The following PLD3 variants were observed in gnomAD, a reference collection of about 807,000 sequenced individuals.
The protein encoded by PLD3 is 5'-3' exonuclease PLD3.
In PLD3, 31 loss-of-function variants were observed where a neutral mutation model predicts 58.4. The observed-to-expected ratio is 0.53, with a 90% CI of 0.40 to 0.72. The LOEUF is 0.72. Among genes scored for constraint, PLD3 ranks in the 30% least tolerant of loss-of-function variants. The pLI, the probability that PLD3 is intolerant of heterozygous loss-of-function variation, is 0.00. For synonymous variants in PLD3, 264 were observed against 273.4 expected (o/e 0.97, Z 0.34); for missense variants, 595 against 659.8 (o/e 0.90, Z 1.08).
intron 1 of PLD3, among the ~76,000 whole-genome samples, chr19:40,364,769 G>T (rs539588672): frequency 1.3e-5 from 2 of 150,594 alleles, no homozygotes; most frequent in Admixed American, 6.6e-5. Flanking sequence ...GCACTCCAGC[G>T]TGGGAGAGAC....
chr19:40,374,553 G>T lies in PLD3; in HGVS notation c.952G>T (p.Ala318Ser), dbSNP rs1196757207. 6.2e-7 allele frequency: 1 copy of T among 1,614,168 alleles called. No homozygotes were observed. The highest frequency in any genetic ancestry group is 1.7e-5 in the Admixed American group (1 of 60,024). The change falls in exon 10 of 13, where the codon GCC (alanine) becomes TCC (serine). Residue 318 changes from alanine to serine, a missense_variant. Coordinates refer to ENST00000409735, the MANE Select transcript of PLD3 (RefSeq NM_012268.4). ...LKALLNVVDN[A>S]RSFIYVAVMN... Reference sequence around the variant, plus strand: ...GGCTCTACTCAACGTGGTGGACAATGCCCGGAGTTTCATCTACGTCGCTGT... The same window carrying T: ...GGCTCTACTCAACGTGGTGGACAATTCCCGGAGTTTCATCTACGTCGCTGT...
chr19:40,348,769 G>C lies in PLD3; in HGVS notation c.-279+1G>C. 5.3e-6 allele frequency: 2 copies of C among 378,158 alleles called. No homozygotes were observed. Among genetic ancestry groups the C allele is most frequent in the Non-Finnish European group, 9.5e-6 (2 of 211,400 alleles). 23.4% of individuals were successfully genotyped at this position (378,158 alleles called of 1,614,324 possible). On this transcript the variant is annotated splice_donor_variant, in intron 1 of 12. Coordinates refer to ENST00000409735, the MANE Select transcript of PLD3 (RefSeq NM_012268.4). LOFTEE classifies it low-confidence loss of function (5UTR_SPLICE). ...TCGGAGTGGGAGACGTGGAGTGCAG[G>C]TACTGTGCGATCTGGGGGCGCGGCG...
intron 1 of PLD3, among the ~76,000 whole-genome samples, chr19:40,362,653 G>T (rs551779548): frequency 6.6e-6 from 1 of 152,216 alleles, no homozygotes; most frequent in Admixed American, 6.5e-5. Context: ...GCCCAGGCTG[G>T]TCTCAAACTC....
intron 8 of PLD3, 111 bp downstream of exon 8, chr19:40,370,348 G>A (rs982389389): frequency 2.4e-6 from 3 of 1,238,640 alleles, no homozygotes; most frequent in Non-Finnish European, 3.4e-6. Flanking sequence ...CCCATTCTCT[G>A]TAATGGCTTC....
rs991910942 is a variant in PLD3 at position 40,357,283 on chromosome 19, G to T, written c.-278-8435G>T. The T allele has an allele frequency of 2.6e-5, 4 of 152,286 alleles. No homozygotes were observed. In the East Asian group the frequency reaches 7.7e-4, roughly 29 times the overall value. The allele number at this position is 152,286 out of a possible 1,614,324, so 9.4% of individuals were successfully genotyped here. ...GTTATTTTTAAAATTAGAGACAGGGGTCTCGCTCTGTTGCCCAGGCTAGTC... is the reference window on the plus strand; with the variant it reads ...GTTATTTTTAAAATTAGAGACAGGGTTCTCGCTCTGTTGCCCAGGCTAGTC... On this transcript the variant is annotated intron_variant, in intron 1 of 12. Transcript: ENST00000409735.
chr19:40,355,313 T>G (rs1322830900), intron 1 of PLD3, among the ~76,000 whole-genome samples: 1 of 151,566 alleles, frequency 6.6e-6, no homozygotes, highest in African/African-American at 2.4e-5. Flanking sequence ...CTTTTTTTTT[T>G]GTTTTTTGTT....
Position 40,366,671 on chromosome 19 carries a change from A to C in PLD3, c.89A>C (p.Lys30Thr). 6 of 1,604,456 alleles carry C rather than the reference A, an allele frequency of 3.7e-6. No individual in the cohort carries two copies. The highest frequency in any genetic ancestry group is 5.1e-6 in the Non-Finnish European group (6 of 1,173,932). ...CCCATGAATGAGATTGAGGCGTGGAAGGCTGCGGAAAAGGTAGGAGCCCTC... is the reference window on the plus strand; with the variant it reads ...CCCATGAATGAGATTGAGGCGTGGACGGCTGCGGAAAAGGTAGGAGCCCTC... ...ELPMNEIEAW[K>T]AAEKKARWVL... is the part of the protein sequence containing the mutation. The change falls in exon 4 of 13, where the codon AAG (lysine) becomes ACG (threonine). Residue 30 changes from lysine to threonine, a missense_variant. By Grantham distance (78) the Lys-to-Thr change is moderately conservative. Coordinates refer to ENST00000409735, the MANE Select transcript of PLD3 (RefSeq NM_012268.4).
Position 40,376,664 on chromosome 19 carries a change from A to ATC in PLD3, c.1075_1076insTC (p.Lys359IlefsTer38). 1 of 1,607,062 alleles carries ATC rather than the reference A, an allele frequency of 6.2e-7. No homozygotes were observed. Among genetic ancestry groups the ATC allele is most frequent in the East Asian group, 2.2e-5 (1 of 44,874 alleles). The stretch of plus-strand genomic sequence containing the variant: ...GCGGGCCACCTACGAGCGTGGCGTC[A>ATC]AGGTGCGCCTGCTCATCAGCTGCTG... On this transcript the variant is annotated frameshift_variant, in exon 11 of 13. Coordinates refer to ENST00000409735, the MANE Select transcript of PLD3 (RefSeq NM_012268.4). LOFTEE classifies it high-confidence loss of function.
At chr19:40,353,119 G>A (rs1192413342) in intron 1 of PLD3, among the ~76,000 whole-genome samples, 3 of 152,106 alleles carry the variant, frequency 2.0e-5, no homozygotes, top group South Asian at 2.1e-4. Flanking sequence ...GTTCAACCAT[G>A]TACTGCCCTG....
chr19:40,377,712 C>G (rs1431199968), intron 11 of PLD3, 74 bp from the exon 12 acceptor site: 1 of 1,066,512 alleles, frequency 9.4e-7, no homozygotes, highest in Non-Finnish European at 1.4e-6. Context: ...GCTCCACACT[C>G]TGCTCCCTGA....
rs1333353572 is a variant in PLD3, at chr19:40,371,817, C to A, written c.823C>A (p.Gln275Lys). 6.2e-7 allele frequency: 1 copy of A among 1,614,036 alleles called. No individual in the cohort carries two copies. The highest frequency in any genetic ancestry group is 8.5e-7 in the Non-Finnish European group (1 of 1,180,048). ...CCGGTTCTATGACACCCGCTACAAC[C>A]AAGAGACACCAATGGAGATCTGCCT... ...WPRFYDTRYN[Q>K]ETPMEICLNG... is the part of the protein sequence containing the mutation. Residue 275 changes from glutamine (Q) to lysine (K), a missense_variant, in exon 9 of 13, where the codon CAA becomes AAA. Coordinates refer to ENST00000409735, the MANE Select transcript of PLD3 (RefSeq NM_012268.4).
intron 1 of PLD3, among the ~76,000 whole-genome samples, chr19:40,354,067 G>T: frequency 9.7e-6 from 1 of 103,116 alleles, no homozygotes. Context: ...CTATTTTTTA[G>T]CCTTTTTTTT....
In PLD3 at chr19:40,366,521, T is replaced by C. The variant is rs1568664824; in HGVS notation, c.27+11T>C. On this transcript the variant is annotated intron_variant, in intron 3 of 12. Coordinates refer to ENST00000409735, the MANE Select transcript of PLD3 (RefSeq NM_012268.4). ...CTGATGTACCAGGAGGTAGGTGGAT[T>C]GGGGGGCTCAGCAGGGTGGAACTGG... 1.2e-6 allele frequency: 2 copies of C among 1,612,488 alleles called. No homozygotes were observed. Among genetic ancestry groups the C allele is most frequent in the East Asian group, 2.2e-5 (1 of 44,850 alleles).
chr19:40,353,603 G>T, intron 1 of PLD3, among the ~76,000 whole-genome samples: 1 of 151,732 alleles, frequency 6.6e-6, no homozygotes, highest in African/African-American at 2.4e-5. Context: ...ATTTGAGATG[G>T]AGTCTTGCTC....
rs1457204127 is a variant in PLD3 at position 40,371,762 on chromosome 19, G to C, written c.768G>C (p.Gln256His). The C allele has an allele frequency of 6.2e-7, 1 of 1,613,994 alleles. No individual in the cohort carries two copies. The highest frequency in any genetic ancestry group is 8.5e-7 in the Non-Finnish European group (1 of 1,179,930). ...KIFEAYWFLG[Q>H]AGSSIPSTWP... ...TTGAGGCCTACTGGTTCCTGGGCCA[G>C]GCAGGCAGCTCCATCCCATCAACTT... is the stretch of plus-strand genomic sequence containing the variant. The change falls in exon 9 of 13, where the codon CAG (glutamine) becomes CAC (histidine). Residue 256 changes from glutamine (Q) to histidine (H), a missense_variant. By Grantham distance (24) the Gln-to-His change is conservative. Transcript: ENST00000409735.
At chr19:40,360,628 T>C (rs1429380959) in intron 1 of PLD3, 1 of 151,152 alleles carries the variant, frequency 6.6e-6, no homozygotes, top group Non-Finnish European at 1.5e-5. Context: ...CTCTCAGTTT[T>C]GGAGCCGAAG....
At position 40,369,962 on chromosome 19, in the gene PLD3, C is replaced by A; in HGVS notation, c.484C>A (p.Arg162Ser). The A allele has an allele frequency of 6.4e-7, 1 of 1,561,744 alleles. No individual in the cohort carries two copies. The highest frequency in any genetic ancestry group is 2.4e-5 in the East Asian group (1 of 41,846). The change falls in exon 7 of 13, where the codon CGC becomes AGC. Residue 162 changes from arginine (R) to serine (S), a missense_variant. By Grantham distance (110) the Arg-to-Ser change is moderately radical. Coordinates refer to ENST00000409735, the MANE Select transcript of PLD3 (RefSeq NM_012268.4). ...QTLAPKGVNV[R>S]IAVSKPSGPQ... ...CCTGGCACCAAAGGGCGTGAACGTC[C>A]GCATCGCTGTGAGCAAGCCCAGCGG...
Position 40,366,800 on chromosome 19 carries a change from A to G in PLD3, c.130A>G (p.Ile44Val), listed in dbSNP as rs1284481894. The G allele has an allele frequency of 6.2e-7, 1 of 1,613,814 alleles. No homozygotes were observed. Among genetic ancestry groups the G allele is most frequent in the Admixed American group, 1.7e-5 (1 of 60,002 alleles). Residue 44 changes from isoleucine (I) to valine (V), a missense_variant, in exon 5 of 13, where the codon ATT becomes GTT. Coordinates refer to ENST00000409735, the MANE Select transcript of PLD3 (RefSeq NM_012268.4). ...KKARWVLLVL[I>V]LAVVGFGALM... ...AGCCCGCTGGGTCCTGCTGGTCCTC[A>G]TTCTGGCGGTTGTGGGCTTCGGAGC... is the stretch of plus-strand genomic sequence containing the variant.
intron 1 of PLD3, among the ~76,000 whole-genome samples, chr19:40,350,819 G>T (rs1031366958): frequency 1.3e-5 from 2 of 152,052 alleles, no homozygotes; most frequent in African/African-American, 4.8e-5. Flanking sequence ...GGGTAAATAG[G>T]TAAGTAGATT....
Sources: gnomAD v4.1 joint callset for allele counts (sites outside exome capture counted in the v4.1 genomes callset) on GRCh38, gnomAD v4.1.1 for gene constraint, MANE v1.5 for transcripts, NCBI Gene and HGNC (gene_info 2026-07-23, HGNC 2026-07-21) for gene names.